The following CFAP54 variants were observed in gnomAD, a reference collection of about 807,000 sequenced individuals.
CFAP54 encodes cilia and flagella associated protein 54.
In CFAP54, 290 loss-of-function variants were observed where a neutral mutation model predicts 370.4. The ratio of observed to expected loss-of-function variants is 0.78; its 90% confidence interval spans 0.71 to 0.86. The LOEUF is 0.86. CFAP54 is among the 40% of genes least tolerant of loss of function. The pLI is 0.00. For missense variants in CFAP54, 3,399 were observed against 3,528.7 expected (o/e 0.96, Z 0.93); for synonymous variants, 1,206 against 1,236.5 (o/e 0.98, Z 0.52).
intron 4 of CFAP54, among the ~76,000 whole-genome samples, chr12:96,511,058 C>T (rs578181524): frequency 2.0e-5 from 3 of 151,756 alleles, no homozygotes; most frequent in East Asian, 3.9e-4. Flanking sequence ...TGTTATTAGT[C>T]GAGTGGTTTC....
At position 96,756,466 on chromosome 12, in the gene CFAP54, G is replaced by C; in HGVS notation, c.7849G>C (p.Glu2617Gln). The change falls in exon 57 of 68, where the codon GAA (glutamate) becomes CAA (glutamine). Residue 2617 changes from glutamate (E) to glutamine (Q), a missense_variant. Coordinates refer to ENST00000524981, the MANE Select transcript of CFAP54 (RefSeq NM_001306084.2). ...TCTTTTTCTTCTTTCAGGCAAAATA[G>C]AACGTCAAATACTAATGGAAGAGAA... ...AEILFQKGKI[E>Q]RQILMEEKSP... is the part of the protein sequence containing the mutation. The C allele has an allele frequency of 6.3e-7, 1 of 1,584,742 alleles. No homozygotes were observed. Among genetic ancestry groups the C allele is most frequent in the South Asian group, 1.2e-5 (1 of 86,858 alleles).
chr12:96,526,332 T>C (rs933486529), intron 8 of CFAP54, among the ~76,000 whole-genome samples: 4 of 152,224 alleles, frequency 2.6e-5, no homozygotes, highest in Non-Finnish European at 5.9e-5. Context: ...GCAGAATGAC[T>C]GGGAACCCAC....
rs1410715112 is a variant in CFAP54 at position 96,522,161 on chromosome 12, T to C, written c.1130T>C (p.Ile377Thr). Residue 377 changes from isoleucine to threonine, a missense_variant, in exon 8 of 68, where the codon ATA (isoleucine) becomes ACA (threonine). By Grantham distance (89) the Ile-to-Thr change is moderately conservative. This residue lies in a region of CFAP54 where 559 missense variants were observed against 576.7 expected (regional missense o/e 0.97). Transcript: ENST00000524981. ...AACAAAGCTGTCTTTAGACCTAAGA[T>C]AAGAATTAACCTAAGGGAAGTACAA... ...RKNKAVFRPK[I>T]RINLREVQTL... 4 of 1,534,602 alleles carry C rather than the reference T, an allele frequency of 2.6e-6. No individual in the cohort carries two copies. Among genetic ancestry groups the C allele is most frequent in the Non-Finnish European group, 3.5e-6 (4 of 1,146,234 alleles).
chr12:96,721,896 G>A (rs935003533), intron 50 of CFAP54, among the ~76,000 whole-genome samples: 2 of 152,178 alleles, frequency 1.3e-5, no homozygotes, highest in South Asian at 2.1e-4. Flanking sequence ...AGAATATAAG[G>A]AGTAGAGGTT....
rs772229768 is a variant in CFAP54, at chr12:96,594,229, G to A, written c.3361-62G>A. ...GGATCACATTTTCTACCCATTCTCC[G>A]TAGAGACACATACGCTAAGCACCTA... On this transcript the variant is annotated intron_variant, in intron 24 of 67. Coordinates refer to ENST00000524981, the MANE Select transcript of CFAP54 (RefSeq NM_001306084.2). 8.9e-5 allele frequency: 106 copies of A among 1,186,666 alleles called. 1 individual carries two copies. Among genetic ancestry groups the A allele is most frequent in the Middle Eastern group, 2.0e-4 (1 of 4,992 alleles). The allele number at this position is 1,186,666 out of a possible 1,614,324, so 73.5% of individuals were successfully genotyped here.
chr12:96,641,541 C>T (rs1956727684), intron 32 of CFAP54, among the ~76,000 whole-genome samples: 1 of 152,020 alleles, frequency 6.6e-6, no homozygotes. Context: ...GGATCTAGAA[C>T]TAGAAATACC....
At chr12:96,695,016 G>A (rs534038730) in intron 45 of CFAP54, among the ~76,000 whole-genome samples, 25 of 151,798 alleles carry the variant, frequency 1.6e-4, no homozygotes, top group South Asian at 4.2e-4. Context: ...GCGAGACTCC[G>A]TGTCAAAAAA....
At chr12:96,555,000 C>T (rs1592848980) in intron 17 of CFAP54, 198 bp downstream of exon 17, 2 of 418,836 alleles carry the variant, frequency 4.8e-6, no homozygotes, top group Non-Finnish European at 8.0e-6. Context: ...CATATTAAAT[C>T]AGTTAGTAAA....
At chr12:96,782,381 A>G (rs1322218043) in intron 60 of CFAP54, among the ~76,000 whole-genome samples, 1 of 152,130 alleles carries the variant, frequency 6.6e-6, no homozygotes, top group Non-Finnish European at 1.5e-5. Context: ...GAAAAAAACC[A>G]TCATTCACTG....
chr12:96,532,682 G>A (rs1955452707), intron 9 of CFAP54, among the ~76,000 whole-genome samples: 1 of 151,992 alleles, frequency 6.6e-6, no homozygotes, highest in African/African-American at 2.4e-5. Context: ...GTGCAATGGT[G>A]CGATCATTCT....
At chr12:96,520,185 A>G (rs1338901136) in intron 6 of CFAP54, among the ~76,000 whole-genome samples, 3 of 152,242 alleles carry the variant, frequency 2.0e-5, no homozygotes, top group South Asian at 2.1e-4. Context: ...TCTAATGACC[A>G]TTTAATACAC....
At chr12:96,682,427 G>A in intron 40 of CFAP54, 5 of 453,184 alleles carry the variant, frequency 1.1e-5, no homozygotes, top group Non-Finnish European at 1.5e-5. Flanking sequence ...GAGTGCAGTG[G>A]TGCCATCACA....
intron 50 of CFAP54, among the ~76,000 whole-genome samples, chr12:96,727,061 T>C (rs1437753326): frequency 6.6e-6 from 1 of 152,204 alleles, no homozygotes; most frequent in Non-Finnish European, 1.5e-5. Flanking sequence ...TAATTTCTGT[T>C]CTTTTACATT....
At chr12:96,664,718 TA>T (rs1957047894) in intron 39 of CFAP54, among the ~76,000 whole-genome samples, 1 of 6,384 alleles carries the variant, frequency 1.6e-4, no homozygotes, top group Non-Finnish European at 3.5e-4. Context: ...TATATATCTA[TA>T]TATATCTATA....
At chr12:96,572,058 C>T (rs963024419) in intron 19 of CFAP54, among the ~76,000 whole-genome samples, 2 of 152,148 alleles carry the variant, frequency 1.3e-5, no homozygotes, top group Non-Finnish European at 2.9e-5. Flanking sequence ...CCAATCAGAA[C>T]ATTTTAAATA....
At chr12:96,625,337 G>A (rs1956539160) in intron 28 of CFAP54, among the ~76,000 whole-genome samples, 1 of 152,168 alleles carries the variant, frequency 6.6e-6, no homozygotes, top group Non-Finnish European at 1.5e-5. Context: ...GGCTCCAGCA[G>A]TGACTGTGTT....
At position 96,714,780 on chromosome 12, in the gene CFAP54, T is replaced by TAA. The variant is rs891308477; in HGVS notation, c.6725-3654_6725-3653dup. Among the ~76,000 whole-genome samples, 13 of 148,998 alleles carry TAA rather than the reference T, an allele frequency of 8.7e-5. No homozygotes were observed. The East Asian group carries it at 2.2e-3, about 25-fold the overall frequency. Reference sequence around the variant, plus strand: ...CTGCTGAAAGGGACAAAAGAGGGTTTAAAAAAAAAACTGAAAAAGTAGCAG... The same window carrying TAA: ...CTGCTGAAAGGGACAAAAGAGGGTTTAAAAAAAAAAAACTGAAAAAGTAGCAG... On this transcript the variant is annotated intron_variant, in intron 48 of 67. Transcript: ENST00000524981.
chr12:96,873,797 A>G (rs1407903207), intron 67 of CFAP54, among the ~76,000 whole-genome samples: 1 of 152,184 alleles, frequency 6.6e-6, no homozygotes, highest in East Asian at 1.9e-4. Context: ...ATGAAATATT[A>G]TTATTTGTAT....
chr12:96,728,920 G>C (rs1484821224), intron 50 of CFAP54, among the ~76,000 whole-genome samples: 1 of 152,232 alleles, frequency 6.6e-6, no homozygotes, highest in Non-Finnish European at 1.5e-5. Flanking sequence ...CTGCAGGTCT[G>C]TTGGACTTTG....
Sources: allele counts gnomAD v4.1 joint callset (sites outside exome capture counted in the v4.1 genomes callset), GRCh38; gene constraint gnomAD v4.1.1; regional missense constraint gnomAD v4.1.1; transcripts MANE v1.5; gene names NCBI Gene and HGNC (gene_info 2026-07-23, HGNC 2026-07-21).